KLRF1: variants seen among roughly 807,000 people sequenced by gnomAD.
KLRF1 encodes the protein killer cell lectin like receptor F1.
In KLRF1, 27 loss-of-function variants were observed where a neutral mutation model predicts 30.7. The observed-to-expected ratio is 0.88, with a 90% CI of 0.65 to 1.21. KLRF1 has a LOEUF of 1.21. Among genes scored for constraint, KLRF1 ranks in the 50% most tolerant of loss-of-function variants. The pLI is 0.00. For synonymous variants in KLRF1, 92 were observed against 89.3 expected, an observed-to-expected ratio of 1.03 and a Z score of -0.17; for missense variants, 246 against 259.3, an observed-to-expected ratio of 0.95 and a Z score of 0.35.
intron 1 of KLRF1, among the ~76,000 whole-genome samples, chr12:9,831,022 G>A (rs1867410215): frequency 6.6e-6 from 1 of 151,790 alleles, no homozygotes. Context: ...CCAGGCTGGA[G>A]TGCAGTGGCG....
the KLRF1 span, among the ~76,000 whole-genome samples, chr12:9,809,125 A>T: frequency 2.0e-5 from 3 of 152,258 alleles, no homozygotes; most frequent in South Asian, 6.2e-4. Flanking sequence ...TAGCGAGATG[A>T]ATTTTTTAAG....
chr12:9,832,180 G>A, intron 1 of KLRF1, 136 bp from the exon 2 acceptor site: 4 of 524,976 alleles, frequency 7.6e-6, no homozygotes, highest in Non-Finnish European at 1.4e-5. Context: ...TATTTACTTA[G>A]CCTTCATGCT....
At chr12:9,833,489 C>A in intron 3 of KLRF1, 37 bp downstream of exon 3, 1 of 1,537,470 alleles carries the variant, frequency 6.5e-7, no homozygotes, top group South Asian at 1.3e-5. Flanking sequence ...TAGTTTTAAT[C>A]TTTTGGACTC....
chr12:9,821,173 C>T, the KLRF1 span, among the ~76,000 whole-genome samples: 1 of 152,168 alleles, frequency 6.6e-6, no homozygotes, highest in African/African-American at 2.4e-5. Flanking sequence ...TTCTCTCCTC[C>T]TGATTACTCT....
the KLRF1 span, among the ~76,000 whole-genome samples, chr12:9,808,314 A>G: frequency 6.6e-6 from 1 of 152,134 alleles, no homozygotes; most frequent in African/African-American, 2.4e-5. Context: ...AAAAGTAAGA[A>G]GAAATAATTG....
chr12:9,838,907 C>A (rs1867644387), intron 3 of KLRF1, among the ~76,000 whole-genome samples: 1 of 152,066 alleles, frequency 6.6e-6, no homozygotes. Flanking sequence ...TCACAATTTG[C>A]CTTCACATTT....
At chr12:9,827,447 C>A, upstream of KLRF1, 1 of 610,228 alleles carries the variant, frequency 1.6e-6, no homozygotes, top group Non-Finnish European at 2.8e-6. Flanking sequence ...TGAGGAGCAT[C>A]TCTGATTAGC....
At chr12:9,825,713 A>G (rs938883751), upstream of KLRF1, among the ~76,000 whole-genome samples, 4 of 152,234 alleles carry the variant, frequency 2.6e-5, no homozygotes, top group African/African-American at 4.8e-5. Context: ...AAGAGAAACT[A>G]TCAACAGAGT....
intron 3 of KLRF1, among the ~76,000 whole-genome samples, chr12:9,835,386 G>A (rs943720335): frequency 2.0e-5 from 3 of 151,994 alleles, no homozygotes; most frequent in Non-Finnish European, 4.4e-5. Context: ...GGGACTGGTG[G>A]GGTAACTGCG....
At chr12:9,838,056 A>G (rs1380686391) in intron 3 of KLRF1, among the ~76,000 whole-genome samples, 11 of 152,132 alleles carry the variant, frequency 7.2e-5, no homozygotes, top group Admixed American at 5.2e-4. Flanking sequence ...AACAATTACA[A>G]TACTTACTAG....
the KLRF1 span, among the ~76,000 whole-genome samples, chr12:9,815,606 T>G: frequency 6.6e-6 from 1 of 152,152 alleles, no homozygotes; most frequent in Admixed American, 6.5e-5. Flanking sequence ...GATCAAGCAA[T>G]GACCTAGATT....
At position 9,833,394 on chromosome 12, in the gene KLRF1, C is replaced by T. The variant is rs372106576; in HGVS notation, c.276C>T (p.Gly92=). The change falls in exon 3 of 6, where the codon GGC becomes GGT. Residue 92 remains glycine, a synonymous_variant. Coordinates refer to ENST00000617889, the MANE Select transcript of KLRF1 (RefSeq NM_016523.3). ...EDTGDLKVNN[G]TRRNISNKDL... is the part of the protein sequence containing the mutation. ...CTGGAGATCTAAAAGTGAATAATGG[C>T]ACAAGAAGAAATATAAGTAATAAGG... 6 of 1,611,990 alleles carry T rather than the reference C, an allele frequency of 3.7e-6. No individual in the cohort carries two copies. The African/African-American group carries it at 8.0e-5, about 22-fold the overall frequency.
Position 9,833,331 on chromosome 12 carries a change from A to T in KLRF1, c.213A>T (p.Gln71His). 6.2e-7 allele frequency: 1 copy of T among 1,605,074 alleles called. No individual in the cohort carries two copies. Among genetic ancestry groups the T allele is most frequent in the Non-Finnish European group, 8.5e-7 (1 of 1,176,568 alleles). ...LVSQGVLLKC[Q>H]KGSCSNATQY... ...CTCAGGGAGTATTGCTAAAATGCCA[A>T]AAAGGAAGTTGTTCAAATGCCACTC... The change falls in exon 3 of 6, where the codon CAA (glutamine) becomes CAT (histidine). Residue 71 changes from glutamine to histidine, a missense_variant. Gln to His is a conservative substitution (Grantham distance 24, BLOSUM62 0). Transcript: ENST00000617889.
upstream of KLRF1, among the ~76,000 whole-genome samples, chr12:9,824,870 T>C (rs767586135): frequency 6.6e-6 from 1 of 152,156 alleles, no homozygotes; most frequent in South Asian, 2.1e-4. Flanking sequence ...CCATTTATGA[T>C]AGCCACAAAA....
the KLRF1 span, among the ~76,000 whole-genome samples, chr12:9,813,210 T>C: frequency 6.6e-6 from 1 of 152,252 alleles, no homozygotes; most frequent in East Asian, 1.9e-4. Context: ...TGCAGGTTAG[T>C]TACATATGTA....
upstream of KLRF1, among the ~76,000 whole-genome samples, chr12:9,826,715 T>C (rs1321468377): frequency 6.6e-6 from 1 of 152,152 alleles, no homozygotes; most frequent in Non-Finnish European, 1.5e-5. Flanking sequence ...ATGATGTCCA[T>C]TGCAGGAACA....
At chr12:9,824,167 A>G (rs1472520777), upstream of KLRF1, among the ~76,000 whole-genome samples, 1 of 152,136 alleles carries the variant, frequency 6.6e-6, no homozygotes, top group East Asian at 1.9e-4. Context: ...AGCACAACAA[A>G]AAAAAGAAAA....
At chr12:9,808,531 C>A in the KLRF1 span, among the ~76,000 whole-genome samples, 2 of 152,014 alleles carry the variant, frequency 1.3e-5, no homozygotes, top group East Asian at 3.9e-4. Flanking sequence ...AGATCAATGA[C>A]AGGATGGTAA....
the KLRF1 span, among the ~76,000 whole-genome samples, chr12:9,811,139 G>C: frequency 7.9e-3 from 1,189 of 151,028 alleles, 13 homozygotes; most frequent in African/African-American, 0.027. Flanking sequence ...AGGCAAGTCA[G>C]CCTCAATGAA....
Sources: gnomAD v4.1 joint callset for allele counts (sites outside exome capture counted in the v4.1 genomes callset) on GRCh38, gnomAD v4.1.1 for gene constraint, MANE v1.5 for transcripts, NCBI Gene and HGNC (gene_info 2026-07-23, HGNC 2026-07-21) for gene names.